DSCAML1: variants seen among roughly 807,000 people sequenced by gnomAD.
The protein encoded by DSCAML1 is DS cell adhesion molecule like 1.
DSCAML1 carries 38 observed loss-of-function variants against 200.5 expected under a neutral mutation model. The observed-to-expected ratio is 0.19, with a 90% CI of 0.15 to 0.25. The LOEUF is 0.25. Ranked by LOEUF, DSCAML1 falls within the 10% of genes least tolerant of loss-of-function variation. The probability of loss-of-function intolerance (pLI) is 1.00; values close to 1 mark genes in which losing one functional copy is unlikely to be tolerated. For missense variants in DSCAML1, 2,223 were observed against 2,858.8 expected (o/e 0.78, Z 5.07); for synonymous variants, 1,215 against 1,165.0 (o/e 1.04, Z -0.87).
Position 117,752,703 on chromosome 11 carries a change from T to C in DSCAML1, c.511+24088A>G, listed in dbSNP as rs767717934. Among the ~76,000 whole-genome samples, 86 of 152,214 alleles carry C rather than the reference T, an allele frequency of 5.6e-4. 1 individual carries two copies. The highest frequency in any genetic ancestry group is 2.2e-4 in the Non-Finnish European group (15 of 68,028). ...ATCTGTGAGATTCTGCTAAGAACTG[T>C]TTCTTCTCTGGACTTCAGTTTCCCA... On this transcript the variant is annotated intron_variant, in intron 3 of 32. Transcript: ENST00000651296.
chr11:117,721,637 T>C (rs1195193021), intron 3 of DSCAML1, among the ~76,000 whole-genome samples: 5 of 148,130 alleles, frequency 3.4e-5, no homozygotes, highest in African/African-American at 1.2e-4. Context: ...AATATATAAA[T>C]ATGTAAACAT....
intron 3 of DSCAML1, among the ~76,000 whole-genome samples, chr11:117,744,060 C>G (rs373067990): frequency 6.6e-6 from 1 of 152,204 alleles, no homozygotes; most frequent in African/African-American, 2.4e-5. Context: ...CCCACAGTGC[C>G]TGGCACTGAG....
intron 3 of DSCAML1, among the ~76,000 whole-genome samples, chr11:117,671,611 C>A (rs1181756930): frequency 6.6e-6 from 1 of 152,140 alleles, no homozygotes; most frequent in Non-Finnish European, 1.5e-5. Context: ...AGTAGTTAAT[C>A]AATGGATTGA....
At chr11:117,604,915 G>A (rs2051535294) in intron 3 of DSCAML1, among the ~76,000 whole-genome samples, 1 of 152,220 alleles carries the variant, frequency 6.6e-6, no homozygotes, top group Non-Finnish European at 1.5e-5. Context: ...GATGGCCACT[G>A]CCTGGCCTGT....
intron 3 of DSCAML1, among the ~76,000 whole-genome samples, chr11:117,544,516 T>C (rs1565778922): frequency 6.6e-6 from 1 of 152,192 alleles, no homozygotes; most frequent in African/African-American, 2.4e-5. Flanking sequence ...AGGCGGACTC[T>C]GCAGGGCACC....
chr11:117,658,110 G>A (rs974210849), intron 3 of DSCAML1, among the ~76,000 whole-genome samples: 21 of 152,094 alleles, frequency 1.4e-4, no homozygotes, highest in Admixed American at 2.6e-4. Context: ...CAAAGGCTTC[G>A]TGGTGACTGG....
intron 3 of DSCAML1, among the ~76,000 whole-genome samples, chr11:117,753,800 A>G (rs1039482370): frequency 2.0e-5 from 3 of 152,176 alleles, no homozygotes; most frequent in Admixed American, 6.5e-5. Context: ...CAGAACCTAG[A>G]AAGGAGGCCA....
chr11:117,735,737 C>A (rs558949291), intron 3 of DSCAML1, among the ~76,000 whole-genome samples: 2 of 152,148 alleles, frequency 1.3e-5, no homozygotes, highest in Non-Finnish European at 2.9e-5. Flanking sequence ...ATGCTGGGCC[C>A]GGAGCTGCGT....
At chr11:117,623,987 C>A (rs528738342) in intron 3 of DSCAML1, among the ~76,000 whole-genome samples, 1 of 152,102 alleles carries the variant, frequency 6.6e-6, no homozygotes, top group East Asian at 1.9e-4. Context: ...AGCTGTCAAG[C>A]CTTTAGTGCA....
At chr11:117,522,691 CCTG>C (rs528715772) in intron 5 of DSCAML1, among the ~76,000 whole-genome samples, 117 of 152,334 alleles carry the variant, frequency 7.7e-4, no homozygotes, top group African/African-American at 2.7e-3. Flanking sequence ...CAGGTGGCCT[CCTG>C]CTCATCCCAG....
At chr11:117,683,842 C>T (rs116146658) in intron 3 of DSCAML1, among the ~76,000 whole-genome samples, 4 of 152,304 alleles carry the variant, frequency 2.6e-5, no homozygotes, top group Admixed American at 1.3e-4. Flanking sequence ...TAAATGTTAG[C>T]TGTCATAATT....
chr11:117,749,848 G>A (rs1392595922), intron 3 of DSCAML1, among the ~76,000 whole-genome samples: 1 of 152,258 alleles, frequency 6.6e-6, no homozygotes, highest in Non-Finnish European at 1.5e-5. Flanking sequence ...CGGGACCTGT[G>A]TTAGAACAGA....
intron 1 of DSCAML1, among the ~76,000 whole-genome samples, chr11:117,809,815 C>A (rs1040472026): frequency 6.6e-6 from 1 of 152,106 alleles, no homozygotes; most frequent in Non-Finnish European, 1.5e-5. Context: ...CAACTAGCAA[C>A]GCACAACACA....
At chr11:117,799,716 G>T (rs1328280075), upstream of DSCAML1, among the ~76,000 whole-genome samples, 1 of 152,238 alleles carries the variant, frequency 6.6e-6, no homozygotes, top group Non-Finnish European at 1.5e-5. Flanking sequence ...CCAGCTGTGT[G>T]CCTGGGAAAT....
chr11:117,557,813 T>G, intron 3 of DSCAML1, among the ~76,000 whole-genome samples: 2 of 151,082 alleles, frequency 1.3e-5, no homozygotes, highest in African/African-American at 4.9e-5. Flanking sequence ...CTATCTAGGG[T>G]GTAGATCTAG....
rs562205243 is a variant in DSCAML1, at chr11:117,650,020, C to T, written c.512-117498G>A. Among the ~76,000 whole-genome samples, 36 of 152,312 alleles carry T rather than the reference C, an allele frequency of 2.4e-4. 1 individual carries two copies. Among genetic ancestry groups the T allele is most frequent in the Admixed American group, 2.0e-3 (30 of 15,302 alleles). On this transcript the variant is annotated intron_variant, in intron 3 of 32. Transcript: ENST00000651296. Reference sequence around the variant, plus strand: ...CAGGGCATTCTGGGGCACTGAGCAGCGGTTGGCACAGGCTAGGCCACTAAC... The same window carrying T: ...CAGGGCATTCTGGGGCACTGAGCAGTGGTTGGCACAGGCTAGGCCACTAAC...
At chr11:117,587,751 G>T (rs141314015) in intron 3 of DSCAML1, among the ~76,000 whole-genome samples, 1 of 152,252 alleles carries the variant, frequency 6.6e-6, no homozygotes, top group Non-Finnish European at 1.5e-5. Flanking sequence ...TTGGTTTTTG[G>T]GATCCAAGCT....
chr11:117,775,779 T>A (rs1430435454), intron 3 of DSCAML1, among the ~76,000 whole-genome samples: 1 of 151,988 alleles, frequency 6.6e-6, no homozygotes, highest in Non-Finnish European at 1.5e-5. Flanking sequence ...TCCTCGGGGA[T>A]TTAAATGGGT....
chr11:117,582,929 C>T (rs12363734), intron 3 of DSCAML1, among the ~76,000 whole-genome samples: 407 of 152,166 alleles, frequency 2.7e-3, no homozygotes, highest in Non-Finnish European at 4.8e-3. Context: ...GCACTTCATG[C>T]TTTCAAAGTG....
Sources: gnomAD v4.1 joint callset for allele counts (sites outside exome capture counted in the v4.1 genomes callset) on GRCh38, gnomAD v4.1.1 for gene constraint, MANE v1.5 for transcripts, NCBI Gene and HGNC (gene_info 2026-07-23, HGNC 2026-07-21) for gene names.